Variants in CLUL1 observed in about 807,000 individuals in gnomAD.
The protein encoded by CLUL1 is clusterin like 1.
A neutral mutation model predicts 49.4 loss-of-function variants in CLUL1; 43 were observed. The ratio of observed to expected loss-of-function variants is 0.87; its 90% CI spans 0.68 to 1.12. CLUL1 has a LOEUF of 1.12. Ranked by LOEUF, CLUL1 falls within the 50% of genes most tolerant of loss-of-function variation. CLUL1 has a pLI of 0.00. For missense variants in CLUL1, 486 were observed against 544.4 expected, an observed-to-expected ratio of 0.89 and a Z score of 1.07; for synonymous variants, 192 against 184.9, an observed-to-expected ratio of 1.04 and a Z score of -0.31.
At chr18:624,451 A>T (rs2073612402) in intron 4 of CLUL1, among the ~76,000 whole-genome samples, 1 of 152,200 alleles carries the variant, frequency 6.6e-6, no homozygotes, top group Admixed American at 6.5e-5. Context: ...ATTAAAATGT[A>T]CCAGCTTTAT....
intron 8 of CLUL1, among the ~76,000 whole-genome samples, chr18:644,566 T>C (rs2074420746): frequency 6.6e-6 from 1 of 152,232 alleles, no homozygotes; most frequent in Admixed American, 6.5e-5. Context: ...TGAGCAAAAC[T>C]GAAAAGGGTT....
intron 2 of CLUL1, among the ~76,000 whole-genome samples, chr18:608,014 C>G (rs980631598): frequency 1.3e-5 from 2 of 152,168 alleles, no homozygotes; most frequent in Admixed American, 6.5e-5. Flanking sequence ...TTGCACAGTG[C>G]AGAGGGATGA....
At chr18:628,073 C>T (rs527283195) in intron 6 of CLUL1, among the ~76,000 whole-genome samples, 3 of 152,324 alleles carry the variant, frequency 2.0e-5, no homozygotes, top group South Asian at 4.1e-4. Context: ...GTGATCCACC[C>T]GCCTTGGCCT....
chr18:633,220 A>G (rs2074036725), intron 6 of CLUL1, 78 bp from the exon 7 acceptor site: 1 of 1,260,904 alleles, frequency 7.9e-7, no homozygotes, highest in African/African-American at 1.5e-5. Flanking sequence ...CTGGTAAGAA[A>G]AAGCTGCGGC....
chr18:605,658 G>A (rs1305967616), intron 1 of CLUL1, among the ~76,000 whole-genome samples: 8 of 152,018 alleles, frequency 5.3e-5, no homozygotes, highest in African/African-American at 1.4e-4. Flanking sequence ...AGTAATTCCA[G>A]TATAGTGGTT....
At position 641,376 on chromosome 18, in the gene CLUL1, G is replaced by A. The variant is rs1217957817; in HGVS notation, c.1044G>A (p.Arg348=). 3 of 1,614,062 alleles carry A rather than the reference G, an allele frequency of 1.9e-6. No homozygotes were observed. Among genetic ancestry groups the A allele is most frequent in the African/African-American group, 2.7e-5 (2 of 74,906 alleles). ...ALHTELDEAI[R]LVNVSNQQYG... The stretch of plus-strand genomic sequence containing the variant: ...ACACAGAATTAGACGAGGCGATCAG[G>A]TTGGTCAATGTATCCAATCAGCAGT... The change falls in exon 8 of 10, where the codon AGG becomes AGA. Residue 348 remains arginine, a synonymous_variant. Coordinates refer to ENST00000692774, the MANE Select transcript of CLUL1 (RefSeq NM_001393344.1).
intron 2 of CLUL1, chr18:616,791 G>A: frequency 1.7e-6 from 1 of 596,128 alleles, no homozygotes; most frequent in Non-Finnish European, 2.1e-6. Flanking sequence ...AATAAGTTTT[G>A]TTTTGTAAAT....
chr18:626,864 T>TAGAAAGAAAGAAAGA (rs2073735753), intron 5 of CLUL1, among the ~76,000 whole-genome samples: 37 of 70,898 alleles, frequency 5.2e-4, no homozygotes, highest in African/African-American at 1.9e-3. Context: ...CCATCTCAAA[T>TAGAAAGAAAGAAAGA]AAGAAAGAAA....
At chr18:601,795 C>A in intron 1 of CLUL1, among the ~76,000 whole-genome samples, 1 of 151,778 alleles carries the variant, frequency 6.6e-6, no homozygotes, top group Non-Finnish European at 1.5e-5. Flanking sequence ...GGTGTCACAG[C>A]GAGACTCCAT....
chr18:648,212 A>ATT (rs2074568412), intron 9 of CLUL1, among the ~76,000 whole-genome samples: 4 of 152,206 alleles, frequency 2.6e-5, no homozygotes. Context: ...CTGACTATGC[A>ATT]TTTGTAGCCA....
At chr18:628,426 C>A (rs2073874867) in intron 6 of CLUL1, among the ~76,000 whole-genome samples, 1 of 152,150 alleles carries the variant, frequency 6.6e-6, no homozygotes, top group Admixed American at 6.5e-5. Flanking sequence ...AGACACAATG[C>A]TGCTTTATGT....
intron 5 of CLUL1, among the ~76,000 whole-genome samples, chr18:626,169 G>T (rs1447012123): frequency 9.2e-5 from 14 of 152,188 alleles, no homozygotes; most frequent in Non-Finnish European, 1.9e-4. Flanking sequence ...CTAGAGGGCA[G>T]TGGTGCCATC....
At chr18:609,107 A>G (rs976962035) in intron 2 of CLUL1, among the ~76,000 whole-genome samples, 9 of 152,184 alleles carry the variant, frequency 5.9e-5, no homozygotes, top group Admixed American at 3.9e-4. Flanking sequence ...TAAACACAAA[A>G]TTCATTTATG....
At chr18:622,574 T>G (rs1439849618) in intron 4 of CLUL1, among the ~76,000 whole-genome samples, 1 of 152,196 alleles carries the variant, frequency 6.6e-6, no homozygotes, top group Non-Finnish European at 1.5e-5. Context: ...GATAGGATAT[T>G]CCTTAGGAAT....
intron 7 of CLUL1, among the ~76,000 whole-genome samples, chr18:637,837 G>A (rs1030649324): frequency 1.8e-4 from 28 of 152,166 alleles, no homozygotes; most frequent in Non-Finnish European, 2.9e-4. Flanking sequence ...AGCCAGATAT[G>A]GTGGTATGAA....
chr18:645,810 A>AAAATATATATAT (rs1451607900), intron 9 of CLUL1, among the ~76,000 whole-genome samples: 2 of 29,872 alleles, frequency 6.7e-5, no homozygotes, highest in Non-Finnish European at 1.2e-4. Context: ...AAAAAAAAAA[A>AAAATATATATAT]ATATATATAT....
intron 6 of CLUL1, among the ~76,000 whole-genome samples, chr18:631,827 A>C (rs1187198793): frequency 6.6e-6 from 1 of 152,190 alleles, no homozygotes; most frequent in Non-Finnish European, 1.5e-5. Flanking sequence ...CTTACAGTCT[A>C]ATGGAAAAGA....
At chr18:607,532 C>T (rs771761277) in intron 2 of CLUL1, among the ~76,000 whole-genome samples, 2 of 152,140 alleles carry the variant, frequency 1.3e-5, no homozygotes, top group Non-Finnish European at 2.9e-5. Flanking sequence ...CTCCTGGGTT[C>T]GAGTGAGCCT....
At chr18:605,938 T>C (rs2072961428) in intron 1 of CLUL1, among the ~76,000 whole-genome samples, 1 of 152,200 alleles carries the variant, frequency 6.6e-6, no homozygotes, top group African/African-American at 2.4e-5. Flanking sequence ...GTGCTGGGAT[T>C]GCAGGCGTGA....
Sources: gnomAD v4.1 joint callset for allele counts (sites outside exome capture counted in the v4.1 genomes callset) on GRCh38, gnomAD v4.1.1 for gene constraint, MANE v1.5 for transcripts, NCBI Gene and HGNC (gene_info 2026-07-23, HGNC 2026-07-21) for gene names.